The following SYT2 variants were observed in gnomAD, a reference collection of about 807,000 sequenced individuals.
SYT2 encodes synaptotagmin 2, also known as synaptotagmin-2.
Under a neutral mutation model 39.9 loss-of-function variants are expected in SYT2, and 15 were observed. The observed-to-expected ratio is 0.38, with a 90% CI of 0.25 to 0.58. SYT2 has a LOEUF of 0.58. Among genes scored for constraint, SYT2 ranks in the 20% least tolerant of loss-of-function variants. SYT2 has a pLI of 0.70. For missense variants in SYT2, 389 were observed against 530.3 expected, an observed-to-expected ratio of 0.73 and a Z score of 2.62; for synonymous variants, 181 against 204.5, an observed-to-expected ratio of 0.89 and a Z score of 0.98.
intron 3 of SYT2, among the ~76,000 whole-genome samples, chr1:202,603,618 C>G (rs1021651942): frequency 2.6e-5 from 4 of 152,146 alleles, no homozygotes; most frequent in Non-Finnish European, 5.9e-5. Context: ...CAGCTCAAAC[C>G]AGCCCCTGAA....
intron 1 of SYT2, among the ~76,000 whole-genome samples, chr1:202,644,320 C>T (rs1692027683): frequency 6.6e-6 from 1 of 152,096 alleles, no homozygotes; most frequent in African/African-American, 2.4e-5. Context: ...CCCGACACCT[C>T]CCACCTCCAC....
At position 202,603,022 on chromosome 1, in the gene SYT2, C is replaced by T; in HGVS notation, c.442G>A (p.Asp148Asn). 1 of 1,612,590 alleles carries T rather than the reference C, an allele frequency of 6.2e-7. No homozygotes were observed. Among genetic ancestry groups the T allele is most frequent in the Non-Finnish European group, 8.5e-7 (1 of 1,179,366 alleles). The part of the protein sequence containing the change: ...ENLGKLQFSL[D>N]YDFQANQLTV... ...ACCTGATTAGCCTGAAAATCATAGT[C>T]CAGGGAAAACTGCAGTTTGCCCAGG... Residue 148 changes from aspartate to asparagine, a missense_variant, in exon 4 of 9, where the codon GAC (aspartate) becomes AAC (asparagine). Asp to Asn is a conservative substitution (Grantham distance 23). Transcript: ENST00000367268.
chr1:202,618,890 T>A (rs1162675374), intron 1 of SYT2, among the ~76,000 whole-genome samples: 2 of 151,650 alleles, frequency 1.3e-5, no homozygotes, highest in Non-Finnish European at 2.9e-5. Flanking sequence ...AGAAAAAAAA[T>A]GTAAAAAGAA....
At chr1:202,659,297 C>T (rs750849701) in intron 1 of SYT2, among the ~76,000 whole-genome samples, 6 of 152,122 alleles carry the variant, frequency 3.9e-5, no homozygotes, top group Non-Finnish European at 7.4e-5. Flanking sequence ...CTGTTTTCCC[C>T]GTTAAAAAGG....
chr1:202,696,485 T>C (rs1282756387), intron 1 of SYT2, among the ~76,000 whole-genome samples: 2 of 152,256 alleles, frequency 1.3e-5, no homozygotes, highest in Non-Finnish European at 2.9e-5. Flanking sequence ...TGTAATTAAA[T>C]AATTGTAATT....
At chr1:202,613,690 C>A (rs963131292) in intron 1 of SYT2, among the ~76,000 whole-genome samples, 1 of 152,088 alleles carries the variant, frequency 6.6e-6, no homozygotes, top group African/African-American at 2.4e-5. Context: ...CTACCCTTGC[C>A]GCTGGATTGG....
rs767415386 is a variant in SYT2, at chr1:202,601,956, C to T, written c.735G>A (p.Met245Ile). 17 of 1,614,212 alleles carry T rather than the reference C, an allele frequency of 1.1e-5. No individual in the cohort carries two copies. The highest frequency in any genetic ancestry group is 1.4e-5 in the Non-Finnish European group (16 of 1,180,040). Residue 245 changes from methionine (M) to isoleucine (I), a missense_variant, in exon 6 of 9, where the codon ATG becomes ATA. Transcript: ENST00000367268. The surrounding 1 kb of genome is among the most constrained non-coding windows in gnomAD (Gnocchi z 4.0). ...HDIIGEVKVPMNTVDLGQPIE... is the reference protein window; with the variant it reads ...HDIIGEVKVPINTVDLGQPIE... ...TGGGCTGGCCGAGGTCCACTGTGTTCATAGGCACCTTTACCTCTCCAATGA... is the reference window on the plus strand; with the variant it reads ...TGGGCTGGCCGAGGTCCACTGTGTTTATAGGCACCTTTACCTCTCCAATGA...
At chr1:202,650,187 C>T (rs560547727) in intron 1 of SYT2, among the ~76,000 whole-genome samples, 3 of 152,314 alleles carry the variant, frequency 2.0e-5, no homozygotes, top group South Asian at 2.1e-4. Context: ...CCCCTGTCTG[C>T]GGGTATGTAA....
Position 202,604,986 on chromosome 1 carries a change from CT to C in SYT2, c.179-366del, listed in dbSNP as rs1231752923. On this transcript the variant is annotated intron_variant, in intron 2 of 8. Coordinates refer to ENST00000367268, the MANE Select transcript of SYT2 (RefSeq NM_177402.5). The stretch of plus-strand genomic sequence containing the variant: ...TCACTCTAGAGAGGATGGGATGATG[CT>C]TATCAGTCCTTTGGCCTCTGCCCCT... 7 of 201,668 alleles carry C rather than the reference CT, an allele frequency of 3.5e-5. No individual in the cohort carries two copies. In the East Asian group the frequency reaches 9.0e-4, roughly 26 times the overall value. The allele number at this position is 201,668 out of a possible 1,614,324, so 12.5% of individuals were successfully genotyped here.
intron 1 of SYT2, among the ~76,000 whole-genome samples, chr1:202,622,567 CCA>C (rs200756893): frequency 0.085 from 12,975 of 152,224 alleles, 886 homozygotes; most frequent in African/African-American, 0.18. Flanking sequence ...CAATTCCAGG[CCA>C]CCTGATGGGC....
rs754105640 is a variant in SYT2 at position 202,605,800 on chromosome 1, G to C, written c.-17-11C>G. Reference sequence around the variant, plus strand: ...TGGCAGAGGAAACAGCTGGGGACGAGAGGTGAAGAGGGCAGGGTGAGCATC... The same window carrying C: ...TGGCAGAGGAAACAGCTGGGGACGACAGGTGAAGAGGGCAGGGTGAGCATC... On this transcript the variant is annotated splice_polypyrimidine_tract_variant and intron_variant, in intron 1 of 8. Transcript: ENST00000367268. 6.2e-7 allele frequency: 1 copy of C among 1,609,446 alleles called. No homozygotes were observed. Among genetic ancestry groups the C allele is most frequent in the Non-Finnish European group, 8.5e-7 (1 of 1,176,408 alleles).
intron 1 of SYT2, chr1:202,627,494 G>C: frequency 3.0e-6 from 3 of 985,320 alleles, no homozygotes; most frequent in Non-Finnish European, 3.6e-6. Context: ...CAGGGCCTGA[G>C]TGGTCATGGG....
intron 1 of SYT2, among the ~76,000 whole-genome samples, chr1:202,625,957 C>CGTGAACGCCATGTGT (rs1256228705): frequency 1.3e-5 from 2 of 152,166 alleles, no homozygotes; most frequent in Non-Finnish European, 2.9e-5. Flanking sequence ...TGTGTGTGCA[C>CGTGAACGCCATGTGT]GTGAACGCCA....
At position 202,700,026 on chromosome 1, in the gene SYT2, A is replaced by G. The variant is rs149605468; in HGVS notation, c.-18+10232T>C. Among the ~76,000 whole-genome samples the G allele has an allele frequency of 1.5e-3, 228 of 152,322 alleles. 1 individual carries two copies. The highest frequency in any genetic ancestry group is 5.4e-3 in the African/African-American group (223 of 41,568). On this transcript the variant is annotated intron_variant, in intron 1 of 8. Coordinates refer to ENST00000367268, the MANE Select transcript of SYT2 (RefSeq NM_177402.5). ...AGAGAATTCCAGTATAAGAACCTCA[A>G]TAGGCAAGGCAGATAAACGCAGGGT...
In SYT2 at chr1:202,626,899, A is replaced by T. The variant is rs577847123; in HGVS notation, c.-17-21110T>A. On this transcript the variant is annotated intron_variant, in intron 1 of 8. Transcript: ENST00000367268. ...AGGATCAGGTGCCTGTCTCACAGGG[A>T]TGTTATGAGGATTGAAGAGGCCACA... is the stretch of plus-strand genomic sequence containing the variant. Among the ~76,000 whole-genome samples the T allele has an allele frequency of 4.0e-4, 61 of 152,248 alleles. 2 individuals are homozygous for T. The South Asian group carries it at 0.012, about 30-fold the overall frequency.
chr1:202,697,382 G>C (rs1406508857), intron 1 of SYT2, among the ~76,000 whole-genome samples: 1 of 152,260 alleles, frequency 6.6e-6, no homozygotes, highest in Non-Finnish European at 1.5e-5. Context: ...AGGAATGTGA[G>C]AGGGAGGCAC....
At chr1:202,682,181 G>A (rs978001817) in intron 1 of SYT2, among the ~76,000 whole-genome samples, 3 of 152,178 alleles carry the variant, frequency 2.0e-5, no homozygotes, top group Non-Finnish European at 4.4e-5. Context: ...CCCAGCTGCC[G>A]GCTGGGAGCC....
In SYT2 at chr1:202,595,214, C is replaced by T. The variant is rs1013098233; in HGVS notation, c.*1543G>A. On this transcript the variant is annotated 3_prime_UTR_variant, in exon 9 of 9. Coordinates refer to ENST00000367268, the MANE Select transcript of SYT2 (RefSeq NM_177402.5). ...TCCAGGCTGAAGGATTGGAAGAAGA[C>T]TCAGTGCAAACCTGACTAACATATA... 3 of 152,332 alleles carry T rather than the reference C, an allele frequency of 2.0e-5. No homozygotes were observed. Among genetic ancestry groups the T allele is most frequent in the Non-Finnish European group, 2.9e-5 (2 of 68,110 alleles). 9.4% of individuals were successfully genotyped at this position (152,332 alleles called of 1,614,324 possible). A position where few individuals can be genotyped will look rare whatever the true frequency, so the allele number is the denominator to read the frequency against.
At chr1:202,613,020 G>A (rs1257188739) in intron 1 of SYT2, among the ~76,000 whole-genome samples, 1 of 139,220 alleles carries the variant, frequency 7.2e-6, no homozygotes, top group Non-Finnish European at 1.5e-5. Flanking sequence ...ATAGATTTTT[G>A]TATCTCAGTC....
Sources: gnomAD v4.1 joint callset for allele counts (sites outside exome capture counted in the v4.1 genomes callset) on GRCh38, gnomAD v4.1.1 for gene constraint, Gnocchi (gnomAD v3.1) non-coding constraint, MANE v1.5 for transcripts, NCBI Gene and HGNC (gene_info 2026-07-23, HGNC 2026-07-21) for gene names.